Variants in CAMK2A observed in about 807,000 individuals in gnomAD.
CAMK2A encodes the protein calcium/calmodulin-dependent protein kinase type II subunit alpha.
In CAMK2A, 7 loss-of-function variants were observed where a neutral mutation model predicts 79.2. That is an observed-to-expected ratio of 0.09 (90% CI 0.05 to 0.17). CAMK2A has a LOEUF of 0.17. CAMK2A is among the 10% of genes least tolerant of loss of function. The probability of loss-of-function intolerance (pLI) is 1.00; values close to 1 mark genes in which losing one functional copy is unlikely to be tolerated. For missense variants in CAMK2A, 214 were observed against 646.4 expected (o/e 0.33, Z 7.25); for synonymous variants, 242 against 251.7 (o/e 0.96, Z 0.36).
Position 150,232,655 on chromosome 5 carries a change from A to G in CAMK2A, c.1067-1275T>C, listed in dbSNP as rs535875430. On this transcript the variant is annotated intron_variant, in intron 15 of 18. Coordinates refer to ENST00000671881, the MANE Select transcript of CAMK2A (RefSeq NM_015981.4). ...AGTTGTCTCAGGTGAATAGATGAAC[A>G]CATTGCCAGGATTGCAAGCTCAGGC... Among the ~76,000 whole-genome samples the G allele has an allele frequency of 1.4e-4, 21 of 152,302 alleles. 1 individual carries two copies. The South Asian group carries it at 4.1e-3, about 30-fold the overall frequency.
In CAMK2A at chr5:150,223,127, A is replaced by T; in HGVS notation, c.1328T>A (p.Ile443Asn). 2 of 1,614,104 alleles carry T rather than the reference A, an allele frequency of 1.2e-6. No homozygotes were observed. Among genetic ancestry groups the T allele is most frequent in the Non-Finnish European group, 1.7e-6 (2 of 1,180,018 alleles). ...MGDESACIAY[I>N]RITQYLDAGG... ...AGCGTCCAGGTACTGCGTGATGCGG[A>T]TGTAGGCGATGCAGGCTGACTCGTC... Residue 443 changes from isoleucine to asparagine, a missense_variant, in exon 18 of 19, where the codon ATC (isoleucine) becomes AAC (asparagine). Transcript: ENST00000671881. The surrounding 1 kb of genome is among the most constrained non-coding windows in gnomAD (Gnocchi z 4.1).
chr5:150,259,609 A>T (rs1048991125), intron 3 of CAMK2A, among the ~76,000 whole-genome samples: 10 of 152,232 alleles, frequency 6.6e-5, no homozygotes, highest in African/African-American at 2.4e-4. Context: ...GATGTTTTAA[A>T]TATATTCTAA....
intron 11 of CAMK2A, among the ~76,000 whole-genome samples, chr5:150,249,139 G>C (rs748323657): frequency 6.6e-6 from 1 of 152,248 alleles, no homozygotes; most frequent in East Asian, 1.9e-4. Flanking sequence ...CAGATAAGGA[G>C]GTTCCACAAG....
At chr5:150,262,628 G>A (rs1047052038) in intron 3 of CAMK2A, among the ~76,000 whole-genome samples, 5 of 152,174 alleles carry the variant, frequency 3.3e-5, no homozygotes, top group African/African-American at 1.2e-4. Flanking sequence ...GTGAATGAAG[G>A]AAGGAGTAAA....
chr5:150,270,483 A>G (rs1178771138), intron 2 of CAMK2A, among the ~76,000 whole-genome samples: 1 of 152,162 alleles, frequency 6.6e-6, no homozygotes, highest in African/African-American at 2.4e-5. Flanking sequence ...AGAAAGCCAC[A>G]GCTCCCGGGA....
intron 12 of CAMK2A, among the ~76,000 whole-genome samples, chr5:150,246,789 A>G (rs73796384): frequency 0.025 from 3,830 of 152,264 alleles, 171 homozygotes; most frequent in African/African-American, 0.085. Context: ...ACTCCTCCCA[A>G]CTGGTTACAT....
chr5:150,283,017 G>A (rs1483674209), intron 1 of CAMK2A, among the ~76,000 whole-genome samples: 7 of 152,218 alleles, frequency 4.6e-5, no homozygotes, highest in Non-Finnish European at 1.0e-4. Flanking sequence ...GGACATCTCT[G>A]CAGACATAAG....
At chr5:150,236,545 G>A (rs1017994354) in intron 15 of CAMK2A, among the ~76,000 whole-genome samples, 1 of 152,224 alleles carries the variant, frequency 6.6e-6, no homozygotes, top group Non-Finnish European at 1.5e-5. Context: ...GGTTGAGTAA[G>A]TTGTCTGAGG....
intron 13 of CAMK2A, among the ~76,000 whole-genome samples, chr5:150,243,385 G>A (rs544767793): frequency 4.6e-5 from 7 of 152,310 alleles, no homozygotes; most frequent in Admixed American, 3.9e-4. Flanking sequence ...ACAGGGGTCA[G>A]AGAGGGCCCC....
intron 15 of CAMK2A, among the ~76,000 whole-genome samples, chr5:150,237,372 C>G (rs1257541957): frequency 1.1e-5 from 1 of 94,086 alleles, no homozygotes; most frequent in African/African-American, 3.1e-5. Context: ...TCAGAGACCC[C>G]CCCCTGCCAC....
At chr5:150,239,935 C>T (rs1240588493) in intron 13 of CAMK2A, among the ~76,000 whole-genome samples, 199 bp from the exon 14 acceptor site, 1 of 152,132 alleles carries the variant, frequency 6.6e-6, no homozygotes, top group Non-Finnish European at 1.5e-5. Flanking sequence ...GGCCAGTCCT[C>T]GTCCTGAAGC....
At position 150,256,958 on chromosome 5, in the gene CAMK2A, C is replaced by CTT. The variant is rs1756085502; in HGVS notation, c.273-128_273-127insAA. 1 of 718,346 alleles carries CTT rather than the reference C, an allele frequency of 1.4e-6. No individual in the cohort carries two copies. The highest frequency in any genetic ancestry group is 2.3e-6 in the Non-Finnish European group (1 of 436,304). The allele number at this position is 718,346 out of a possible 1,614,324, so 44.5% of individuals were successfully genotyped here. On this transcript the variant is annotated intron_variant, in intron 4 of 18. Transcript: ENST00000671881. The surrounding 1 kb of genome is among the most constrained non-coding windows in gnomAD (Gnocchi z 4.6). ...GACCTCAGCCACAAAAGGAGGGGCCCCAGGGTCACGGGGGTGTCCCCTGCT... is the reference window on the plus strand; with the variant it reads ...GACCTCAGCCACAAAAGGAGGGGCCCTTCAGGGTCACGGGGGTGTCCCCTGCT...
At chr5:150,239,428 G>A (rs1755240629) in intron 14 of CAMK2A, among the ~76,000 whole-genome samples, 1 of 152,210 alleles carries the variant, frequency 6.6e-6, no homozygotes, top group South Asian at 2.1e-4. Context: ...CCAAGGTCTG[G>A]ACATAGGACT....
chr5:150,259,484 TG>T (rs1212759311), intron 3 of CAMK2A, among the ~76,000 whole-genome samples: 1 of 152,258 alleles, frequency 6.6e-6, no homozygotes, highest in East Asian at 1.9e-4. Flanking sequence ...ATTGCCCCAC[TG>T]CATTCCAGCC....
chr5:150,227,183 C>T (rs1754642247), intron 17 of CAMK2A, among the ~76,000 whole-genome samples: 1 of 152,136 alleles, frequency 6.6e-6, no homozygotes, highest in Middle Eastern at 3.2e-3. Context: ...TTACATAATC[C>T]TTGCACCATG....
chr5:150,269,510 C>T (rs1168554422), intron 2 of CAMK2A, among the ~76,000 whole-genome samples: 3 of 152,006 alleles, frequency 2.0e-5, no homozygotes, highest in Non-Finnish European at 2.9e-5. Context: ...CGCCACTACG[C>T]CCGGCTAATT....
At chr5:150,276,669 G>A (rs769129922) in intron 1 of CAMK2A, among the ~76,000 whole-genome samples, 4 of 152,178 alleles carry the variant, frequency 2.6e-5, no homozygotes, top group African/African-American at 9.7e-5. Context: ...AGGAAGAGAA[G>A]GGCAGGAAGC....
intron 12 of CAMK2A, among the ~76,000 whole-genome samples, chr5:150,246,225 C>T (rs1194728891): frequency 1.3e-5 from 2 of 152,170 alleles, no homozygotes; most frequent in East Asian, 1.9e-4. Flanking sequence ...CCCTTCGAGG[C>T]TCTCATTCCA....
intron 15 of CAMK2A, 31 bp from the exon 16 acceptor site, chr5:150,231,411 A>G: frequency 4.3e-6 from 2 of 463,776 alleles, no homozygotes; most frequent in Non-Finnish European, 6.3e-6. Flanking sequence ...CAGAAATAAT[A>G]ATAATAATAA....
Sources: allele counts gnomAD v4.1 joint callset (sites outside exome capture counted in the v4.1 genomes callset), GRCh38; gene constraint gnomAD v4.1.1; non-coding constraint Gnocchi (gnomAD v3.1); transcripts MANE v1.5; gene names NCBI Gene and HGNC (gene_info 2026-07-23, HGNC 2026-07-21).